The following TYK2 variants were observed in gnomAD, a reference collection of about 807,000 sequenced individuals.
TYK2 encodes the protein tyrosine kinase 2, also known as non-receptor tyrosine-protein kinase TYK2.
A neutral mutation model predicts 130.9 loss-of-function variants in TYK2; 65 were observed. The observed-to-expected ratio is 0.50, with a 90% CI of 0.41 to 0.61. The LOEUF (loss-of-function observed/expected upper bound fraction) is 0.61, where lower values mean the gene tolerates loss of function less well. Ranked by LOEUF, TYK2 falls within the 20% of genes least tolerant of loss-of-function variation. The probability of loss-of-function intolerance (pLI) is 0.00; values close to 1 mark genes in which losing one functional copy is unlikely to be tolerated. For missense variants in TYK2, 1,378 were observed against 1,610.7 expected, an observed-to-expected ratio of 0.86 and a Z score of 2.47; for synonymous variants, 647 against 658.9, an observed-to-expected ratio of 0.98 and a Z score of 0.28.
chr19:10,352,302 G>A, intron 23 of TYK2, 132 bp downstream of exon 23: 1 of 720,862 alleles, frequency 1.4e-6, no homozygotes, highest in South Asian at 1.5e-5. Context: ...TCGATCTCCT[G>A]ACCTCGTGAT....
chr19:10,371,262 T>C (rs2041897733), intron 3 of TYK2, among the ~76,000 whole-genome samples: 1 of 151,682 alleles, frequency 6.6e-6, no homozygotes, highest in Non-Finnish European at 1.5e-5. Context: ...GCCTCCAAAG[T>C]GCTGGGATTA....
chr19:10,376,911 T>G (rs1405071635), intron 3 of TYK2, among the ~76,000 whole-genome samples: 6 of 151,870 alleles, frequency 4.0e-5, no homozygotes, highest in Non-Finnish European at 4.4e-5. Context: ...CTGACTTTCT[T>G]TTTTTAATGA....
intron 3 of TYK2, among the ~76,000 whole-genome samples, chr19:10,371,312 A>G (rs1000243715): frequency 3.3e-5 from 5 of 151,660 alleles, no homozygotes; most frequent in Non-Finnish European, 5.9e-5. Context: ...AGTAGTGTTT[A>G]TAATTTTCAT....
chr19:10,364,118 G>A lies in TYK2; in HGVS notation c.1367+496C>T, dbSNP rs1293620715. Reference sequence around the variant, plus strand: ...CCAGCACAGGCAGCCGCCTGCAGAGGTGGAAGCATCCAACATACGCCTGAA... The same window carrying A: ...CCAGCACAGGCAGCCGCCTGCAGAGATGGAAGCATCCAACATACGCCTGAA... On this transcript the variant is annotated intron_variant, in intron 9 of 24. Coordinates refer to ENST00000525621, the MANE Select transcript of TYK2 (RefSeq NM_003331.5). This position sits in a 1 kb window ranked among gnomAD's most constrained non-coding sequence, Gnocchi z 4.9. Among the ~76,000 whole-genome samples, 2 of 152,224 alleles carry A rather than the reference G, an allele frequency of 1.3e-5. No homozygotes were observed. Among genetic ancestry groups the A allele is most frequent in the Admixed American group, 6.5e-5 (1 of 15,270 alleles).
At position 10,352,921 on chromosome 19, in the gene TYK2, G is replaced by A. The variant is rs2040885783; in HGVS notation, c.3200+5C>T. 6.2e-7 allele frequency: 1 copy of A among 1,605,310 alleles called. No individual in the cohort carries two copies. Among genetic ancestry groups the A allele is most frequent in the South Asian group, 1.1e-5 (1 of 90,546 alleles). On this transcript the variant is annotated splice_donor_5th_base_variant and intron_variant, in intron 22 of 24. Coordinates refer to ENST00000525621, the MANE Select transcript of TYK2 (RefSeq NM_003331.5). ...ACCCCCTCAGACTGCACCCCGCCTG[G>A]TCACCAGAACACGGGGCTGTCCCCA...
rs992173568 is a variant in TYK2 at position 10,353,433 on chromosome 19, G to A, written c.3027+95C>T. On this transcript the variant is annotated intron_variant, in intron 21 of 24. Transcript: ENST00000525621. This position sits in a 1 kb window ranked among gnomAD's most constrained non-coding sequence, Gnocchi z 6.9. ...AGACAGCCTGGGCAAACGAGCAGGG[G>A]CGGAGCGTGAGAGCAGACTGCACCG... 1 of 877,362 alleles carries A rather than the reference G, an allele frequency of 1.1e-6. No homozygotes were observed. The highest frequency in any genetic ancestry group is 1.7e-6 in the Non-Finnish European group (1 of 598,216). 54.3% of individuals were successfully genotyped at this position (877,362 alleles called of 1,614,324 possible). A position where few individuals can be genotyped will look rare whatever the true frequency, so the allele number is the denominator to read the frequency against.
At chr19:10,355,650 AAAAAG>A (rs1192533029) in intron 18 of TYK2, among the ~76,000 whole-genome samples, 1 of 150,860 alleles carries the variant, frequency 6.6e-6, no homozygotes, top group African/African-American at 2.4e-5. Context: ...CAAAAAAAAA[AAAAAG>A]AAAGAAAGAA....
chr19:10,371,907 T>C (rs906013244), intron 3 of TYK2, among the ~76,000 whole-genome samples: 2 of 152,148 alleles, frequency 1.3e-5, no homozygotes, highest in African/African-American at 4.8e-5. Flanking sequence ...TAAGTGTCCC[T>C]GGGAGCACAT....
At chr19:10,356,830 G>T in intron 17 of TYK2, 112 bp from the exon 18 acceptor site, 1 of 1,158,332 alleles carries the variant, frequency 8.6e-7, no homozygotes, top group Non-Finnish European at 1.2e-6. Context: ...GCTCTTATCA[G>T]TTCCATTATA....
chr19:10,366,177 G>A (rs947356289), intron 6 of TYK2, among the ~76,000 whole-genome samples: 2 of 152,014 alleles, frequency 1.3e-5, no homozygotes, highest in African/African-American at 4.8e-5. Context: ...CTTGATGGTG[G>A]GCACCTGTAA....
In TYK2 at chr19:10,373,860, C is replaced by A. The variant is rs12720229; in HGVS notation, c.193+4354G>T. 6.7e-3 allele frequency among the ~76,000 whole-genome samples: 1,024 copies of A among 152,106 alleles called. 14 individuals are homozygous for A. Among genetic ancestry groups the A allele is most frequent in the African/African-American group, 0.023 (960 of 41,490 alleles). ...CTCTCAAAATTGATACCCCAGTCACCCTGAAGGTCTTTCGCTTCCTCAAAC... is the reference window on the plus strand; with the variant it reads ...CTCTCAAAATTGATACCCCAGTCACACTGAAGGTCTTTCGCTTCCTCAAAC... On this transcript the variant is annotated intron_variant, in intron 3 of 24. Coordinates refer to ENST00000525621, the MANE Select transcript of TYK2 (RefSeq NM_003331.5).
intron 3 of TYK2, among the ~76,000 whole-genome samples, chr19:10,373,229 G>C (rs905047943): frequency 3.6e-4 from 54 of 151,924 alleles, no homozygotes; most frequent in African/African-American, 1.3e-3. Context: ...GTAGAGATGG[G>C]GTTTCATCAT....
At chr19:10,366,308 G>GAAAA in intron 6 of TYK2, 109 bp downstream of exon 6, 1 of 983,288 alleles carries the variant, frequency 1.0e-6, no homozygotes, top group Non-Finnish European at 1.4e-6. Flanking sequence ...CTCCGGCTCA[G>GAAAA]AAAAAAAAAA....
At position 10,356,729 on chromosome 19, in the gene TYK2, A is replaced by T; in HGVS notation, c.2467-11T>A. The T allele has an allele frequency of 6.3e-7, 1 of 1,595,090 alleles. No homozygotes were observed. ...GTAGAAATGCTCCTTCTGTTGGGAA[A>T]GGGACCCAGAGGAGTCAACATCCTC... On this transcript the variant is annotated splice_polypyrimidine_tract_variant and intron_variant, in intron 17 of 24. Coordinates refer to ENST00000525621, the MANE Select transcript of TYK2 (RefSeq NM_003331.5).
chr19:10,365,921 G>T, intron 6 of TYK2, 23 bp from the exon 7 acceptor site: 1 of 1,587,554 alleles, frequency 6.3e-7, no homozygotes, highest in East Asian at 2.3e-5. Flanking sequence ...ACAGTGAGGG[G>T]CTGGTCAGGG....
At chr19:10,372,484 A>ATATTTTTTTT (rs1390400916) in intron 3 of TYK2, among the ~76,000 whole-genome samples, 24 of 37,420 alleles carry the variant, frequency 6.4e-4, no homozygotes, top group African/African-American at 1.8e-3. Flanking sequence ...ATATATATAT[A>ATATTTTTTTT]TTTTTTTTTT....
Position 10,365,672 on chromosome 19 carries a change from C to T in TYK2, c.856G>A (p.Ala286Thr). Residue 286 changes from alanine to threonine, a missense_variant, in exon 7 of 25, where the codon GCC (alanine) becomes ACC (threonine). By Grantham distance (58) the Ala-to-Thr change is moderately conservative. Coordinates refer to ENST00000525621, the MANE Select transcript of TYK2 (RefSeq NM_003331.5). ...CGGATGTAGCAGGGCTCCCCCTCGG[C>T]CTGGGCCAGCAGCCTCAGGTGGCAC... The part of the protein sequence containing the change: ...PVCHLRLLAQ[A>T]EGEPCYIRDS... The T allele has an allele frequency of 6.2e-7, 1 of 1,613,392 alleles. No homozygotes were observed. Among genetic ancestry groups the T allele is most frequent in the Non-Finnish European group, 8.5e-7 (1 of 1,179,854 alleles).
At chr19:10,377,939 A>G (rs1280990826) in intron 3 of TYK2, among the ~76,000 whole-genome samples, 1 of 16,998 alleles carries the variant, frequency 5.9e-5, no homozygotes, top group African/African-American at 2.4e-4. Flanking sequence ...GATGGGTGAA[A>G]GGGTGGGTGG....
rs1466172026 is a variant in TYK2 at position 10,353,995 on chromosome 19, C to A, written c.2908+47G>T. 1.2e-6 allele frequency: 2 copies of A among 1,600,244 alleles called. No homozygotes were observed. Among genetic ancestry groups the A allele is most frequent in the Non-Finnish European group, 8.6e-7 (1 of 1,169,302 alleles). ...CCGCCCACAAGGCCACACCCACGCT[C>A]TAACCACGCCCCCTCAAGTCTCTAG... On this transcript the variant is annotated intron_variant, in intron 20 of 24. Transcript: ENST00000525621. This position sits in a 1 kb window ranked among gnomAD's most constrained non-coding sequence, Gnocchi z 6.9.
Sources: allele counts gnomAD v4.1 joint callset (sites outside exome capture counted in the v4.1 genomes callset), GRCh38; gene constraint gnomAD v4.1.1; non-coding constraint Gnocchi (gnomAD v3.1); transcripts MANE v1.5; gene names NCBI Gene and HGNC (gene_info 2026-07-23, HGNC 2026-07-21).